The following RRN3 variants were observed in gnomAD, a reference collection of about 807,000 sequenced individuals.
The protein encoded by RRN3 is RNA polymerase I-specific transcription initiation factor RRN3.
A neutral mutation model predicts 82.3 loss-of-function variants in RRN3; 38 were observed. That is an observed-to-expected ratio of 0.46 (90% CI 0.36 to 0.61). The LOEUF (loss-of-function observed/expected upper bound fraction) is 0.61. RRN3 is among the 20% of genes least tolerant of loss of function. The pLI is 0.00. For synonymous variants in RRN3, 284 were observed against 284.3 expected (o/e 1.00, Z 0.01); for missense variants, 726 against 793.1 (o/e 0.92, Z 1.02).
intron 3 of RRN3, among the ~76,000 whole-genome samples, chr16:15,090,881 T>C (rs1308643012): frequency 2.0e-5 from 3 of 151,896 alleles, no homozygotes; most frequent in East Asian, 1.9e-4. Context: ...TTGTTTTTTT[T>C]TTTTTTTTGC....
At chr16:15,062,587 C>T (rs1365671656) in intron 17 of RRN3, among the ~76,000 whole-genome samples, 8 of 152,314 alleles carry the variant, frequency 5.3e-5, no homozygotes, top group Middle Eastern at 6.8e-3. Flanking sequence ...TTGCAACCTG[C>T]GTCTTCACCA....
chr16:15,088,900 G>C (rs2046009161), intron 3 of RRN3, among the ~76,000 whole-genome samples: 1 of 152,006 alleles, frequency 6.6e-6, no homozygotes, highest in Non-Finnish European at 1.5e-5. Context: ...CATGTGCTTA[G>C]AGAGAACCAG....
intron 16 of RRN3, among the ~76,000 whole-genome samples, chr16:15,064,891 G>A (rs956275024): frequency 1.3e-5 from 2 of 152,220 alleles, no homozygotes; most frequent in African/African-American, 2.4e-5. Context: ...TCCTGGCCGG[G>A]CGCGGTGGCT....
chr16:15,067,961 T>C (rs549851652), intron 15 of RRN3, among the ~76,000 whole-genome samples: 1 of 152,086 alleles, frequency 6.6e-6, no homozygotes, highest in Admixed American at 6.6e-5. Flanking sequence ...GGTCTCACTA[T>C]GTTGCTCAGG....
At chr16:15,089,632 C>T (rs1213771150) in intron 3 of RRN3, among the ~76,000 whole-genome samples, 2 of 151,384 alleles carry the variant, frequency 1.3e-5, no homozygotes, top group African/African-American at 2.4e-5. Flanking sequence ...AACCCCACCT[C>T]TACTAAAAAT....
rs1200819313 is a variant in RRN3, at chr16:15,082,002, A to C, written c.666+1511T>G. 2.0e-5 allele frequency among the ~76,000 whole-genome samples: 3 copies of C among 152,090 alleles called. No individual in the cohort carries two copies. The East Asian group carries it at 5.8e-4, about 29-fold the overall frequency. On this transcript the variant is annotated intron_variant, in intron 8 of 17. Coordinates refer to ENST00000198767, the MANE Select transcript of RRN3 (RefSeq NM_018427.5). The stretch of plus-strand genomic sequence containing the variant: ...TGCTGAACTCATTTATTATCTCTAA[A>C]ATTTCTTGTGTGTGTGTAAACTCCT...
intron 17 of RRN3, 52 bp from the exon 18 acceptor site, chr16:15,061,957 C>T: frequency 6.6e-7 from 1 of 1,525,578 alleles, no homozygotes; most frequent in East Asian, 2.3e-5. Context: ...GACTGAAAAG[C>T]TTTCAACAAT....
intron 1 of RRN3, 151 bp from the exon 2 acceptor site, chr16:15,092,765 C>A: frequency 1.6e-6 from 1 of 626,166 alleles, no homozygotes; most frequent in Non-Finnish European, 2.9e-6. Context: ...ACAATCCTTC[C>A]TTTGCTCAGC....
chr16:15,085,247 A>G (rs962721404), intron 6 of RRN3, among the ~76,000 whole-genome samples: 10 of 152,258 alleles, frequency 6.6e-5, no homozygotes, highest in Admixed American at 5.9e-4. Context: ...AATGGTAAAT[A>G]TAACAAAAAG....
At chr16:15,093,524 C>G (rs570202936) in intron 1 of RRN3, among the ~76,000 whole-genome samples, 2 of 152,228 alleles carry the variant, frequency 1.3e-5, no homozygotes, top group Admixed American at 6.5e-5. Context: ...AACCACTGTC[C>G]CCAGTGTTTA....
At chr16:15,092,136 G>T (rs769963828) in intron 2 of RRN3, among the ~76,000 whole-genome samples, 2 of 152,120 alleles carry the variant, frequency 1.3e-5, no homozygotes, top group African/African-American at 4.8e-5. Flanking sequence ...CCGAGGTCAC[G>T]CCACTGCACT....
chr16:15,066,493 CGTG>C (rs995219843), intron 15 of RRN3, among the ~76,000 whole-genome samples: 1 of 151,540 alleles, frequency 6.6e-6, no homozygotes, highest in African/African-American at 2.4e-5. Context: ...ATTAGCTGGG[CGTG>C]GTGGCAGGCG....
chr16:15,062,495 C>T (rs1223629835), intron 17 of RRN3, among the ~76,000 whole-genome samples: 8 of 152,174 alleles, frequency 5.3e-5, no homozygotes, highest in African/African-American at 9.7e-5. Context: ...AACAGAGCAG[C>T]GAAATTCTTT....
chr16:15,068,524 G>T (rs1219814535), intron 14 of RRN3, among the ~76,000 whole-genome samples: 2 of 152,198 alleles, frequency 1.3e-5, no homozygotes, highest in Admixed American at 1.3e-4. Context: ...GTAGCAGGCT[G>T]TAAGATTCCA....
Position 15,094,238 on chromosome 16 carries a change from C to G in RRN3, c.-5G>C, listed in dbSNP as rs745391741. On this transcript the variant is annotated 5_prime_UTR_variant, in exon 1 of 18. Coordinates refer to ENST00000198767, the MANE Select transcript of RRN3 (RefSeq NM_018427.5). ...GTGAAGCAGCGGTGCCGCCATTGGGCCGAACTAACGCGACCGCTGCGCCTC... is the reference window on the plus strand; with the variant it reads ...GTGAAGCAGCGGTGCCGCCATTGGGGCGAACTAACGCGACCGCTGCGCCTC... 55 of 1,578,930 alleles carry G rather than the reference C, an allele frequency of 3.5e-5. No individual in the cohort carries two copies. Among genetic ancestry groups the G allele is most frequent in the Non-Finnish European group, 4.1e-5 (48 of 1,162,372 alleles).
Position 15,065,335 on chromosome 16 carries a change from C to G in RRN3, c.1590G>C (p.Glu530Asp). ...YQLVFCYTIIERNNRQMLPVI... is the reference protein window; with the variant it reads ...YQLVFCYTIIDRNNRQMLPVI... ...CTGGCAGCATCTGGCGATTGTTCCT[C>G]TCAATGATGGTGTAGCAGAAGACGA... Residue 530 changes from glutamate (E) to aspartate (D), a missense_variant, in exon 16 of 18, where the codon GAG becomes GAC. By Grantham distance (45) the Glu-to-Asp change is conservative. Transcript: ENST00000198767. 2 of 1,613,732 alleles carry G rather than the reference C, an allele frequency of 1.2e-6. No homozygotes were observed. The highest frequency in any genetic ancestry group is 1.7e-6 in the Non-Finnish European group (2 of 1,179,776).
intron 15 of RRN3, among the ~76,000 whole-genome samples, chr16:15,066,105 C>G (rs2044958433): frequency 6.6e-6 from 1 of 152,218 alleles, no homozygotes; most frequent in African/African-American, 2.4e-5. Context: ...TCTCAGGTCA[C>G]CATGGCAACT....
intron 11 of RRN3, among the ~76,000 whole-genome samples, chr16:15,073,287 T>C (rs752454201): frequency 6.6e-6 from 1 of 152,104 alleles, no homozygotes; most frequent in Non-Finnish European, 1.5e-5. Flanking sequence ...AGGGAAGCTC[T>C]GTCTCTACAA....
chr16:15,092,374 A>T, intron 2 of RRN3, 135 bp downstream of exon 2: 1 of 668,788 alleles, frequency 1.5e-6, no homozygotes, highest in Non-Finnish European at 2.7e-6. Context: ...CACTGACGGC[A>T]TCATGCTATT....
Sources: gnomAD v4.1 joint callset for allele counts (sites outside exome capture counted in the v4.1 genomes callset) on GRCh38, gnomAD v4.1.1 for gene constraint, MANE v1.5 for transcripts, NCBI Gene and HGNC (gene_info 2026-07-23, HGNC 2026-07-21) for gene names.